The following DCAF13 variants were observed in gnomAD, a reference collection of about 807,000 sequenced individuals.
DCAF13 encodes DDB1 and CUL4 associated factor 13, also known as DDB1- and CUL4-associated factor 13.
Under a neutral mutation model 59.0 loss-of-function variants are expected in DCAF13, and 38 were observed. The observed-to-expected ratio is 0.64, with a 90% CI of 0.50 to 0.84. DCAF13 has a LOEUF of 0.84. DCAF13 is among the 40% of genes least tolerant of loss of function. The pLI, the probability that DCAF13 is intolerant of heterozygous loss-of-function variation, is 0.00. For missense variants in DCAF13, 469 were observed against 558.4 expected, an observed-to-expected ratio of 0.84 and a Z score of 1.61; for synonymous variants, 173 against 175.0, an observed-to-expected ratio of 0.99 and a Z score of 0.09.
intron 10 of DCAF13, chr8:103,441,927 G>C (rs757735149): frequency 4.3e-6 from 1 of 234,298 alleles, no homozygotes; most frequent in African/African-American, 2.3e-5. Context: ...CACCATGCGC[G>C]GCTAATTTTT....
chr8:103,421,336 T>A (rs1399664743), intron 3 of DCAF13: 2 of 573,308 alleles, frequency 3.5e-6, no homozygotes, highest in African/African-American at 3.7e-5. Flanking sequence ...CTAGAAAGAG[T>A]TTGGCTTACT....
intron 7 of DCAF13, among the ~76,000 whole-genome samples, chr8:103,434,661 T>C (rs1026267594): frequency 6.6e-6 from 1 of 152,078 alleles, no homozygotes; most frequent in African/African-American, 2.4e-5. Context: ...AGACTTCTAC[T>C]CACTAATCTT....
rs985551828 is a variant in DCAF13 at position 103,442,942 on chromosome 8, C to T, written c.*60C>T. 4 of 1,190,274 alleles carry T rather than the reference C, an allele frequency of 3.4e-6. No homozygotes were observed. Among genetic ancestry groups the T allele is most frequent in the East Asian group, 5.1e-5 (2 of 39,324 alleles). 73.7% of individuals were successfully genotyped at this position (1,190,274 alleles called of 1,614,324 possible). A position where few individuals can be genotyped will look rare whatever the true frequency, so the allele number is the denominator to read the frequency against. ...TGTTACTTTTGATTTGAGAACTCTACAAATAAAAGTGCTGGGACTAGATTA... is the reference window on the plus strand; with the variant it reads ...TGTTACTTTTGATTTGAGAACTCTATAAATAAAAGTGCTGGGACTAGATTA... On this transcript the variant is annotated 3_prime_UTR_variant, in exon 11 of 11. Coordinates refer to ENST00000612750, the MANE Select transcript of DCAF13 (RefSeq NM_015420.7).
At chr8:103,418,109 C>T (rs1816650856) in intron 1 of DCAF13, among the ~76,000 whole-genome samples, 1 of 149,630 alleles carries the variant, frequency 6.7e-6, no homozygotes, top group Non-Finnish European at 1.5e-5. Flanking sequence ...GCCTGGGCAA[C>T]AGAGCAAGAC....
intron 6 of DCAF13, 50 bp downstream of exon 6, chr8:103,430,739 C>G: frequency 7.5e-7 from 1 of 1,335,200 alleles, no homozygotes; most frequent in South Asian, 1.3e-5. Context: ...TTATATATTT[C>G]TCTGTAAATA....
chr8:103,436,363 C>T (rs183746216), intron 8 of DCAF13, among the ~76,000 whole-genome samples: 14 of 152,004 alleles, frequency 9.2e-5, no homozygotes, highest in African/African-American at 3.4e-4. Context: ...TTGTCAAGAC[C>T]GTTCTCCCTC....
At chr8:103,439,311 C>T (rs1189716546) in intron 8 of DCAF13, among the ~76,000 whole-genome samples, 3 of 150,510 alleles carry the variant, frequency 2.0e-5, no homozygotes, top group Non-Finnish European at 3.0e-5. Context: ...ATTCTTACCT[C>T]AACTTATCAG....
intron 1 of DCAF13, among the ~76,000 whole-genome samples, chr8:103,419,093 C>G (rs1258506987): frequency 6.6e-6 from 1 of 151,232 alleles, no homozygotes; most frequent in African/African-American, 2.4e-5. Context: ...ACTGTGGTAG[C>G]CAGGATGGTC....
At position 103,427,381 on chromosome 8, in the gene DCAF13, C is replaced by T. The variant is rs144536229; in HGVS notation, c.624+129C>T. 592 of 824,948 alleles carry T rather than the reference C, an allele frequency of 7.2e-4. 5 individuals are homozygous for T. In the African/African-American group the frequency reaches 7.4e-3, roughly 10 times the overall value. The allele number at this position is 824,948 out of a possible 1,614,324, so 51.1% of individuals were successfully genotyped here. A position where few individuals can be genotyped will look rare whatever the true frequency, so the allele number is the denominator to read the frequency against. On this transcript the variant is annotated intron_variant, in intron 5 of 10. Coordinates refer to ENST00000612750, the MANE Select transcript of DCAF13 (RefSeq NM_015420.7). ...TGTTTTGGCATTTTGTCAGTTTTCC[C>T]GATTGTAAATGAGTTCTGATACCTT...
intron 1 of DCAF13, among the ~76,000 whole-genome samples, chr8:103,418,860 A>ATATATT (rs1554630668): frequency 3.8e-4 from 13 of 34,630 alleles, no homozygotes; most frequent in East Asian, 1.7e-3. Flanking sequence ...ATATATATAT[A>ATATATT]TATATATTTT....
intron 5 of DCAF13, chr8:103,430,020 A>G (rs1363606323): frequency 2.6e-5 from 4 of 152,248 alleles, no homozygotes; most frequent in African/African-American, 9.6e-5. Context: ...AACAGGAAAC[A>G]AGTCTTAAGT....
intron 10 of DCAF13, chr8:103,442,470 C>T (rs1817023786): frequency 5.9e-6 from 1 of 170,528 alleles, no homozygotes; most frequent in Admixed American, 6.2e-5. Flanking sequence ...TCTAAGAGCT[C>T]TTTATTTTTC....
At chr8:103,428,017 T>C (rs1052985036) in intron 5 of DCAF13, 3 of 152,238 alleles carry the variant, frequency 2.0e-5, no homozygotes, top group Non-Finnish European at 1.5e-5. Context: ...TTAGCAGTTA[T>C]TGCGAGGCTA....
rs189207325 is a variant in DCAF13, at chr8:103,436,449, A to T, written c.950+659A>T. ...GGAGATTTGAATACTCAGCTGTCCC[A>T]TAGTCTCGTGTGTGTCTCATTTTGT... On this transcript the variant is annotated intron_variant, in intron 8 of 10. Coordinates refer to ENST00000612750, the MANE Select transcript of DCAF13 (RefSeq NM_015420.7). Among the ~76,000 whole-genome samples, 1,103 of 152,300 alleles carry T rather than the reference A, an allele frequency of 7.2e-3. 13 individuals carry two copies. Among genetic ancestry groups the T allele is most frequent in the Middle Eastern group, 0.014 (4 of 294 alleles).
intron 1 of DCAF13, among the ~76,000 whole-genome samples, chr8:103,415,757 A>G (rs771732933): frequency 2.0e-5 from 3 of 152,198 alleles, no homozygotes; most frequent in Non-Finnish European, 4.4e-5. Context: ...ACAGTTGTCT[A>G]TAGTGGAGAA....
chr8:103,435,241 A>C (rs1210581684), intron 7 of DCAF13, among the ~76,000 whole-genome samples: 2 of 152,184 alleles, frequency 1.3e-5, no homozygotes, highest in African/African-American at 4.8e-5. Context: ...AGCTTTACAT[A>C]ACATTTCAAT....
intron 8 of DCAF13, among the ~76,000 whole-genome samples, chr8:103,436,013 A>T (rs1816927453): frequency 6.6e-6 from 1 of 152,192 alleles, no homozygotes; most frequent in South Asian, 2.1e-4. Flanking sequence ...TACTGTGCTG[A>T]ATACTGTGGG....
At chr8:103,420,775 C>G (rs759004885) in intron 2 of DCAF13, 200 bp from the exon 3 acceptor site, 47 of 587,926 alleles carry the variant, frequency 8.0e-5, no homozygotes, top group Non-Finnish European at 8.6e-5. Context: ...TTTTGTAACA[C>G]TTTAGAATCA....
intron 3 of DCAF13, among the ~76,000 whole-genome samples, chr8:103,423,989 T>C (rs546748455): frequency 1.3e-5 from 2 of 152,078 alleles, no homozygotes; most frequent in African/African-American, 4.8e-5. Context: ...TGAGTCACCA[T>C]GCCCACCTTA....
Sources: allele counts gnomAD v4.1 joint callset (sites outside exome capture counted in the v4.1 genomes callset), GRCh38; gene constraint gnomAD v4.1.1; transcripts MANE v1.5; gene names NCBI Gene and HGNC (gene_info 2026-07-23, HGNC 2026-07-21).